The following BRINP3 variants were observed in gnomAD, a reference collection of about 807,000 sequenced individuals.
BRINP3 encodes BMP/retinoic acid-inducible neural-specific protein 3.
Under a neutral mutation model 71.0 loss-of-function variants are expected in BRINP3, and 19 were observed. That is an observed-to-expected ratio of 0.27 (90% CI 0.19 to 0.39). The LOEUF (loss-of-function observed/expected upper bound fraction) is 0.39, where lower values mean the gene tolerates loss of function less well. Ranked by LOEUF, BRINP3 falls within the 10% of genes least tolerant of loss-of-function variation. The probability of loss-of-function intolerance (pLI) is 1.00; values close to 1 mark genes in which losing one functional copy is unlikely to be tolerated. For missense variants in BRINP3, 959 were observed against 940.8 expected (o/e 1.02, Z -0.25); for synonymous variants, 380 against 337.7 (o/e 1.13, Z -1.37).
At chr1:190,166,896 T>A (rs1651596226) in intron 6 of BRINP3, among the ~76,000 whole-genome samples, 1 of 152,068 alleles carries the variant, frequency 6.6e-6, no homozygotes, top group African/African-American at 2.4e-5. Flanking sequence ...GCTAGTTTTT[T>A]ATATTTTTAG....
intron 2 of BRINP3, among the ~76,000 whole-genome samples, chr1:190,379,200 A>C (rs2102236004): frequency 6.6e-6 from 1 of 152,300 alleles, no homozygotes; most frequent in East Asian, 1.9e-4. Flanking sequence ...TACATGATTT[A>C]AAAAACAAAA....
At chr1:190,202,490 G>A (rs748516830) in intron 6 of BRINP3, among the ~76,000 whole-genome samples, 1 of 152,124 alleles carries the variant, frequency 6.6e-6, no homozygotes, top group Admixed American at 6.6e-5. Flanking sequence ...GGGAAGGCAT[G>A]ATTGGTTTTA....
chr1:190,118,719 A>AT (rs1653359775), intron 7 of BRINP3, among the ~76,000 whole-genome samples: 1 of 152,332 alleles, frequency 6.6e-6, no homozygotes, highest in East Asian at 1.9e-4. Flanking sequence ...TAAAGGCATA[A>AT]TAAAGGTAAT....
chr1:190,172,698 A>G (rs1652126384), intron 6 of BRINP3, among the ~76,000 whole-genome samples: 1 of 152,134 alleles, frequency 6.6e-6, no homozygotes, highest in Admixed American at 6.5e-5. Flanking sequence ...AGTGACAGAA[A>G]GTCATGTGGG....
rs1278403589 is a variant in BRINP3 at position 190,109,002 on chromosome 1, T to C, written c.1185-9868A>G. Among the ~76,000 whole-genome samples the C allele has an allele frequency of 3.9e-5, 6 of 152,148 alleles. No homozygotes were observed. The East Asian group carries it at 1.2e-3, about 29-fold the overall frequency. ...GTTAGCAGGGAGAAGATCCGTAAGT[T>C]TTTTCCTTAGTGTTTCTAGTTCAGC... On this transcript the variant is annotated intron_variant, in intron 7 of 7. Transcript: ENST00000367462.
At chr1:190,277,998 TAATTC>T (rs1662738587) in intron 3 of BRINP3, among the ~76,000 whole-genome samples, 1 of 151,800 alleles carries the variant, frequency 6.6e-6, no homozygotes, top group African/African-American at 2.4e-5. Flanking sequence ...GATAGAATGA[TAATTC>T]AATCACTGGC....
intron 7 of BRINP3, among the ~76,000 whole-genome samples, chr1:190,121,901 G>T (rs536035442): frequency 6.6e-6 from 1 of 152,132 alleles, no homozygotes; most frequent in East Asian, 1.9e-4. Flanking sequence ...AATAAAAATC[G>T]TGTGGACTGA....
intron 6 of BRINP3, among the ~76,000 whole-genome samples, chr1:190,176,712 C>T (rs909177247): frequency 3.9e-5 from 6 of 151,992 alleles, no homozygotes; most frequent in South Asian, 2.1e-4. Flanking sequence ...CCTGAAGGGA[C>T]GGGCTACGTT....
In BRINP3 at chr1:190,395,174, G is replaced by A. The variant is rs143453682; in HGVS notation, c.236+59481C>T. 2.1e-3 allele frequency among the ~76,000 whole-genome samples: 320 copies of A among 151,752 alleles called. 1 individual carries two copies. Among genetic ancestry groups the A allele is most frequent in the African/African-American group, 6.3e-3 (263 of 41,476 alleles). ...TGCCACAAGTAAAACTTAATCAGAAGCATATTTTGAATTGCTCTTCTTAAT... is the reference window on the plus strand; with the variant it reads ...TGCCACAAGTAAAACTTAATCAGAAACATATTTTGAATTGCTCTTCTTAAT... On this transcript the variant is annotated intron_variant, in intron 2 of 7. Transcript: ENST00000367462.
chr1:190,220,812 T>C lies in BRINP3; in HGVS notation c.961+5270A>G, dbSNP rs139889043. Among the ~76,000 whole-genome samples, 824 of 152,064 alleles carry C rather than the reference T, an allele frequency of 5.4e-3. 1 individual carries two copies. The highest frequency in any genetic ancestry group is 7.8e-3 in the Admixed American group (119 of 15,256). ...CAGTCTGAAAGTAAAAACATACAAA[T>C]ATGCCAAAAAAAAGTTTTCAAGGCA... On this transcript the variant is annotated intron_variant, in intron 6 of 7. Coordinates refer to ENST00000367462, the MANE Select transcript of BRINP3 (RefSeq NM_199051.3).
At chr1:190,312,922 T>C (rs557404587) in intron 2 of BRINP3, among the ~76,000 whole-genome samples, 59 of 151,954 alleles carry the variant, frequency 3.9e-4, no homozygotes, top group Non-Finnish European at 8.0e-4. Context: ...AGCAAGATTG[T>C]CATTCTATTC....
chr1:190,394,972 T>C (rs1050088432), intron 2 of BRINP3, among the ~76,000 whole-genome samples: 1 of 151,698 alleles, frequency 6.6e-6, no homozygotes, highest in Non-Finnish European at 1.5e-5. Flanking sequence ...CAAGTAAAGA[T>C]TTAGTAAATC....
At chr1:190,223,407 T>C in intron 6 of BRINP3, among the ~76,000 whole-genome samples, 1 of 151,546 alleles carries the variant, frequency 6.6e-6, no homozygotes, top group South Asian at 2.1e-4. Context: ...ATCAAGAAAA[T>C]AAACATATCA....
chr1:190,216,596 T>G (rs1276553014), intron 6 of BRINP3, among the ~76,000 whole-genome samples: 1 of 151,824 alleles, frequency 6.6e-6, no homozygotes, highest in Non-Finnish European at 1.5e-5. Context: ...TTTCCAGGAC[T>G]TGCCCATTAC....
rs565778576 is a variant in BRINP3 at position 190,268,933 on chromosome 1, A to C, written c.428-3878T>G. Among the ~76,000 whole-genome samples, 17 of 152,272 alleles carry C rather than the reference A, an allele frequency of 1.1e-4. No homozygotes were observed. In the East Asian group the frequency reaches 3.3e-3, roughly 29 times the overall value. On this transcript the variant is annotated intron_variant, in intron 3 of 7. Coordinates refer to ENST00000367462, the MANE Select transcript of BRINP3 (RefSeq NM_199051.3). The stretch of plus-strand genomic sequence containing the variant: ...TAAATATTCAACATCAAAATATATC[A>C]GTTTATATTAATATTTTGTTTCCTG...
intron 4 of BRINP3, among the ~76,000 whole-genome samples, chr1:190,260,520 G>A (rs879903254): frequency 1.3e-5 from 2 of 151,636 alleles, no homozygotes; most frequent in Admixed American, 1.3e-4. Context: ...ATTTTCTTGG[G>A]TATTCTTAAA....
intron 2 of BRINP3, among the ~76,000 whole-genome samples, chr1:190,290,345 C>A (rs1663765329): frequency 6.6e-6 from 1 of 152,202 alleles, no homozygotes; most frequent in South Asian, 2.1e-4. Flanking sequence ...ACGGTTAATA[C>A]ACTTTGAGAA....
intron 2 of BRINP3, among the ~76,000 whole-genome samples, chr1:190,300,691 G>C (rs566274544): frequency 1.1e-3 from 170 of 152,140 alleles, no homozygotes; most frequent in Non-Finnish European, 2.0e-3. Flanking sequence ...CGGCCAGGTA[G>C]TCCAACAGAC....
chr1:190,267,544 A>G (rs1661761197), intron 3 of BRINP3, among the ~76,000 whole-genome samples: 1 of 151,462 alleles, frequency 6.6e-6, no homozygotes, highest in South Asian at 2.1e-4. Flanking sequence ...ATGATAAAAA[A>G]GCTTATATCC....
Sources: gnomAD v4.1 joint callset for allele counts (sites outside exome capture counted in the v4.1 genomes callset) on GRCh38, gnomAD v4.1.1 for gene constraint, MANE v1.5 for transcripts, NCBI Gene and HGNC (gene_info 2026-07-23, HGNC 2026-07-21) for gene names.